Variants in ZDHHC24 observed in about 807,000 individuals in gnomAD.
The protein encoded by ZDHHC24 is probable palmitoyltransferase ZDHHC24.
In ZDHHC24, 17 loss-of-function variants were observed where a neutral mutation model predicts 23.2. That is an observed-to-expected ratio of 0.73 (90% CI 0.50 to 1.10). The LOEUF is 1.10. Among genes scored for constraint, ZDHHC24 ranks in the 50% least tolerant of loss-of-function variants. The pLI, the probability that ZDHHC24 is intolerant of heterozygous loss-of-function variation, is 0.00. For missense variants in ZDHHC24, 366 were observed against 393.0 expected (o/e 0.93, Z 0.58); for synonymous variants, 186 against 194.5 (o/e 0.96, Z 0.36).
At chr11:66,529,150 G>C in intron 3 of ZDHHC24, 1 of 984,340 alleles carries the variant, frequency 1.0e-6, no homozygotes, top group East Asian at 1.1e-4. Flanking sequence ...GCCAGCCTGG[G>C]GGACCGAGGT....
downstream of ZDHHC24, chr11:66,531,836 G>T: frequency 3.1e-6 from 5 of 1,607,334 alleles, no homozygotes; most frequent in Non-Finnish European, 4.2e-6. Context: ...GGGCTCCTGG[G>T]TGGGGGTGGG....
chr11:66,532,289 TC>T, downstream of ZDHHC24: 1 of 547,372 alleles, frequency 1.8e-6, no homozygotes, highest in Non-Finnish European at 3.3e-6. Flanking sequence ...CGCCCTCCCC[TC>T]CCCAGCCTTT....
At position 66,539,546 on chromosome 11, in the gene ZDHHC24, C is replaced by A; in HGVS notation, c.838G>T (p.Gly280Ter). 6.3e-7 allele frequency: 1 copy of A among 1,580,784 alleles called. No homozygotes were observed. The highest frequency in any genetic ancestry group is 8.6e-7 in the Non-Finnish European group (1 of 1,162,582). Reference sequence around the variant, plus strand: ...TCCTGGAGTCAGGAGGCTGTGTGTCCCACATCTGCTGTGGTCTGGAAGGTG... The same window carrying A: ...TCCTGGAGTCAGGAGGCTGTGTGTCACACATCTGCTGTGGTCTGGAAGGTG... Reference protein sequence around the residue: ...GITFQTTADVGHTAS With the variant: ...GITFQTTADV Residue 280 changes from glycine (G) to a stop codon, truncating the protein, a stop_gained, in exon 3 of 3, where the codon GGA becomes TGA. Transcript: ENST00000310442. LOFTEE classifies it high-confidence loss of function.
At chr11:66,534,318 G>A (rs368734782), downstream of ZDHHC24, among the ~76,000 whole-genome samples, 4 of 148,764 alleles carry the variant, frequency 2.7e-5, no homozygotes, top group African/African-American at 7.5e-5. Context: ...TGGCAGGCGC[G>A]TGTAATCCCA....
At chr11:66,535,347 A>C (rs1856932104), downstream of ZDHHC24, among the ~76,000 whole-genome samples, 2 of 139,726 alleles carry the variant, frequency 1.4e-5, no homozygotes. Flanking sequence ...CATCCCCCAC[A>C]CTACAGACGC....
In ZDHHC24 at chr11:66,529,327, C is replaced by A. The variant is rs980310697; in HGVS notation, c.721G>T (p.Gly241Ter). 2.0e-6 allele frequency: 3 copies of A among 1,535,862 alleles called. No homozygotes were observed. Among genetic ancestry groups the A allele is most frequent in the African/African-American group, 2.7e-5 (2 of 72,992 alleles). Residue 241 changes from glycine to a stop codon, truncating the protein, a stop_gained, in exon 3 of 5, where the codon GGA becomes TGA. Transcript: ENST00000526986. LOFTEE classifies it high-confidence loss of function. ...GAGGCAGGACCATGAGGCTGGTTTC[C>A]GCAGCATTGAGCCTGAGGTGTTGAT...
chr11:66,530,391 G>A (rs1191102789), intron 2 of ZDHHC24, among the ~76,000 whole-genome samples: 3 of 152,122 alleles, frequency 2.0e-5, no homozygotes, highest in African/African-American at 7.2e-5. Flanking sequence ...ACGGGCAAAA[G>A]GAGGAACCCC....
downstream of ZDHHC24, chr11:66,532,339 C>T (rs1012104896): frequency 2.7e-5 from 12 of 446,220 alleles, no homozygotes; most frequent in Admixed American, 6.9e-5. Context: ...AGCTCCGAAG[C>T]GGTCAAAGTG....
At position 66,545,704 on chromosome 11, in the gene ZDHHC24, GATCCCGCACCCC is replaced by G. The variant is rs1565299730; in HGVS notation, c.281+7_281+18del. On this transcript the variant is annotated splice_region_variant and intron_variant, in intron 1 of 2. Transcript: ENST00000310442. The surrounding 1 kb of genome is among the most constrained non-coding windows in gnomAD (Gnocchi z 4.5). ...CCAAGGCTCCCACTTCTCCCCGCCCGATCCCGCACCCCACTCACGCCCAGCCCTGGCCCAGAC... is the reference window on the plus strand; with the variant it reads ...CCAAGGCTCCCACTTCTCCCCGCCCGACTCACGCCCAGCCCTGGCCCAGAC... The G allele has an allele frequency of 1.0e-5, 15 of 1,500,680 alleles. No homozygotes were observed. Among genetic ancestry groups the G allele is most frequent in the Non-Finnish European group, 1.3e-5 (15 of 1,130,462 alleles). The allele number at this position is 1,500,680 out of a possible 1,614,324, so 93.0% of individuals were successfully genotyped here.
At position 66,528,924 on chromosome 11, in the gene ZDHHC24, C is replaced by T. The variant is rs535670954; in HGVS notation, c.736+388G>A. ...CAGAGGTTGCAGTGAGCTGAGATCA[C>T]GCCATTGCACTCCAGCCTGGGTAAC... On this transcript the variant is annotated intron_variant, in intron 3 of 4. Coordinates refer to the ZDHHC24 transcript ENST00000526986. 3.0e-4 allele frequency: 94 copies of T among 313,382 alleles called. No homozygotes were observed. The South Asian group carries it at 8.2e-3, about 27-fold the overall frequency. 19.4% of individuals were successfully genotyped at this position (313,382 alleles called of 1,614,324 possible).
At chr11:66,528,142 G>A (rs757635527) in intron 3 of ZDHHC24, among the ~76,000 whole-genome samples, 2 of 152,116 alleles carry the variant, frequency 1.3e-5, no homozygotes, top group Non-Finnish European at 2.9e-5. Flanking sequence ...CTTGAACCTA[G>A]GAGGCAAAGG....
intron 3 of ZDHHC24, chr11:66,529,205 G>GC: frequency 1.4e-5 from 13 of 957,094 alleles, no homozygotes; most frequent in Non-Finnish European, 1.9e-5. Flanking sequence ...GGCGGGGTGG[G>GC]CCCTGGAGGT....
chr11:66,520,865 G>T, downstream of ZDHHC24: 1 of 316,568 alleles, frequency 3.2e-6, no homozygotes, highest in South Asian at 2.8e-5. Flanking sequence ...TCTCATCTGT[G>T]GGACCACCAC....
chr11:66,522,781 G>A (rs908808800), intron 4 of ZDHHC24: 1 of 254,904 alleles, frequency 3.9e-6, no homozygotes, highest in Non-Finnish European at 7.7e-6. Flanking sequence ...ATGTATTAAA[G>A]TGAAGAAACC....
In ZDHHC24 at chr11:66,539,540, T is replaced by C; in HGVS notation, c.844A>G (p.Thr282Ala). The C allele has an allele frequency of 6.4e-7, 1 of 1,570,522 alleles. No homozygotes were observed. The highest frequency in any genetic ancestry group is 8.6e-7 in the Non-Finnish European group (1 of 1,157,642). Residue 282 changes from threonine to alanine, a missense_variant, in exon 3 of 3, where the codon ACA becomes GCA. Thr to Ala is a moderately conservative substitution (Grantham distance 58). Coordinates refer to ENST00000310442, the MANE Select transcript of ZDHHC24 (RefSeq NM_207340.3). Reference sequence around the variant, plus strand: ...GGCTCTTCCTGGAGTCAGGAGGCTGTGTGTCCCACATCTGCTGTGGTCTGG... The same window carrying C: ...GGCTCTTCCTGGAGTCAGGAGGCTGCGTGTCCCACATCTGCTGTGGTCTGG... ...TFQTTADVGH[T>A]AS
downstream of ZDHHC24, chr11:66,520,829 G>C: frequency 3.6e-6 from 1 of 277,562 alleles, no homozygotes; most frequent in South Asian, 3.9e-5. Flanking sequence ...TGCCACCTGG[G>C]CTCAAACAGT....
At position 66,546,021 on chromosome 11, in the gene ZDHHC24, G is replaced by C; in HGVS notation, c.-18C>G. 2.2e-6 allele frequency: 3 copies of C among 1,378,400 alleles called. No homozygotes were observed. The highest frequency in any genetic ancestry group is 2.8e-6 in the Non-Finnish European group (3 of 1,075,128). 85.4% of individuals were successfully genotyped at this position (1,378,400 alleles called of 1,614,324 possible). ...TGCCCCATGGCCTGGACACCCAGCT[G>C]TCGGAGCCGGAGGACTAGGCCGCTT... is the stretch of plus-strand genomic sequence containing the variant. On this transcript the variant is annotated 5_prime_UTR_variant, in exon 1 of 3. Coordinates refer to ENST00000310442, the MANE Select transcript of ZDHHC24 (RefSeq NM_207340.3).
chr11:66,531,142 T>C, downstream of ZDHHC24: 1 of 1,437,510 alleles, frequency 7.0e-7, no homozygotes, highest in Non-Finnish European at 9.5e-7. Flanking sequence ...GGCTGCCAGG[T>C]GGCCAGCAGA....
At chr11:66,531,884 G>T, downstream of ZDHHC24, 1 of 1,580,598 alleles carries the variant, frequency 6.3e-7, no homozygotes, top group Non-Finnish European at 8.6e-7. Context: ...CTGTCATTAG[G>T]GCCAGCGCAG....
Sources: gnomAD v4.1 joint callset for allele counts (sites outside exome capture counted in the v4.1 genomes callset) on GRCh38, gnomAD v4.1.1 for gene constraint, Gnocchi (gnomAD v3.1) non-coding constraint, MANE v1.5 for transcripts, NCBI Gene and HGNC (gene_info 2026-07-23, HGNC 2026-07-21) for gene names.